IL10RB: variants seen among roughly 807,000 people sequenced by gnomAD.
The protein encoded by IL10RB is interleukin-10 receptor subunit beta.
A neutral mutation model predicts 38.7 loss-of-function variants in IL10RB; 30 were observed. The observed-to-expected ratio is 0.78, with a 90% confidence interval of 0.58 to 1.05. The LOEUF is 1.05. IL10RB is among the 50% of genes least tolerant of loss of function. The probability of loss-of-function intolerance (pLI) is 0.00; values close to 1 mark genes in which losing one functional copy is unlikely to be tolerated. For missense variants in IL10RB, 328 were observed against 397.1 expected (o/e 0.83, Z 1.48); for synonymous variants, 142 against 145.9 (o/e 0.97, Z 0.19).
chr21:33,283,957 A>G (rs1456439367), intron 5 of IL10RB, among the ~76,000 whole-genome samples: 6 of 152,180 alleles, frequency 3.9e-5, no homozygotes, highest in Admixed American at 6.5e-5. Flanking sequence ...AGCTCAGACA[A>G]TGGAAGGATG....
At chr21:33,268,554 A>G (rs1601826558) in intron 2 of IL10RB, 37 bp downstream of exon 2, 1 of 1,462,636 alleles carries the variant, frequency 6.8e-7, no homozygotes. Context: ...AACGCACCGG[A>G]GGAGCCAGCC....
intron 2 of IL10RB, among the ~76,000 whole-genome samples, chr21:33,272,762 CA>C (rs2123567938): frequency 6.6e-6 from 1 of 152,292 alleles, no homozygotes; most frequent in Non-Finnish European, 1.5e-5. Context: ...TCACTTTTTG[CA>C]GGATGAGAGC....
chr21:33,271,849 TG>T (rs1185034735), intron 2 of IL10RB, among the ~76,000 whole-genome samples: 1 of 152,126 alleles, frequency 6.6e-6, no homozygotes, highest in African/African-American at 2.4e-5. Flanking sequence ...CCCAGTACTT[TG>T]GGGGGCCAAG....
chr21:33,268,119 C>T lies in IL10RB; in HGVS notation c.50-275C>T, dbSNP rs149012848. The T allele has an allele frequency of 6.6e-4, 545 of 824,850 alleles. 4 individuals are homozygous for T. In the African/African-American group the frequency reaches 8.4e-3, roughly 13 times the overall value. The allele number at this position is 824,850 out of a possible 1,614,324, so 51.1% of individuals were successfully genotyped here. On this transcript the variant is annotated intron_variant, in intron 1 of 6. Transcript: ENST00000290200. ...TGGAAATATATCTGAAATCCATGTG[C>T]CCACCCTACCCCCTCATAGCTTTCT... is the stretch of plus-strand genomic sequence containing the variant.
At chr21:33,307,906 T>C (rs2083002699) in intron 1 of IL10RB, among the ~76,000 whole-genome samples, 2 of 152,234 alleles carry the variant, frequency 1.3e-5, no homozygotes. Flanking sequence ...TATATTTCAT[T>C]CACTCCTGGA....
At chr21:33,281,118 T>C (rs1184220092) in intron 4 of IL10RB, among the ~76,000 whole-genome samples, 1 of 152,210 alleles carries the variant, frequency 6.6e-6, no homozygotes, top group Non-Finnish European at 1.5e-5. Flanking sequence ...CCCTTGCTGC[T>C]CTTTTCTAAG....
At chr21:33,290,559 C>T (rs1568910645) in intron 6 of IL10RB, among the ~76,000 whole-genome samples, 1 of 152,136 alleles carries the variant, frequency 6.6e-6, no homozygotes, top group Non-Finnish European at 1.5e-5. Context: ...TGAACAGGGC[C>T]ACTCCTGCCC....
intron 6 of IL10RB, among the ~76,000 whole-genome samples, chr21:33,295,024 T>C (rs2082957934): frequency 6.6e-6 from 1 of 152,202 alleles, no homozygotes; most frequent in African/African-American, 2.4e-5. Flanking sequence ...TAGAGCATAT[T>C]GCAAGCCATG....
intron 2 of IL10RB, among the ~76,000 whole-genome samples, chr21:33,272,689 C>G (rs1191276873): frequency 1.3e-5 from 2 of 152,222 alleles, no homozygotes; most frequent in African/African-American, 4.8e-5. Context: ...TCAAGTGATC[C>G]TCTGCCTCGG....
chr21:33,271,862 T>C (rs1444348663), intron 2 of IL10RB, among the ~76,000 whole-genome samples: 1 of 151,652 alleles, frequency 6.6e-6, no homozygotes, highest in Non-Finnish European at 1.5e-5. Context: ...GGGGCCAAGG[T>C]AGGATAATCA....
chr21:33,303,874 G>C (rs533702471), intron 1 of IL10RB, among the ~76,000 whole-genome samples: 3 of 152,210 alleles, frequency 2.0e-5, no homozygotes, highest in African/African-American at 7.2e-5. Flanking sequence ...TCCCACTAAG[G>C]GGGTGAGGGG....
At chr21:33,294,246 T>C (rs1052939531) in intron 6 of IL10RB, 3 of 330,374 alleles carry the variant, frequency 9.1e-6, no homozygotes, top group South Asian at 7.1e-5. Flanking sequence ...AATGATAGAA[T>C]CCATTAACCA....
chr21:33,273,925 C>T (rs980758792), intron 2 of IL10RB, among the ~76,000 whole-genome samples: 1 of 152,176 alleles, frequency 6.6e-6, no homozygotes, highest in Non-Finnish European at 1.5e-5. Context: ...TTGCTGTTTT[C>T]ACCACATCTG....
chr21:33,270,163 T>C (rs183132598), intron 2 of IL10RB, among the ~76,000 whole-genome samples: 22 of 152,340 alleles, frequency 1.4e-4, no homozygotes, highest in Admixed American at 5.2e-4. Flanking sequence ...CTGTCAGCTG[T>C]CCCAAGGATT....
At chr21:33,290,138 A>G (rs917219464) in intron 6 of IL10RB, among the ~76,000 whole-genome samples, 28 of 151,720 alleles carry the variant, frequency 1.8e-4, no homozygotes, top group Middle Eastern at 3.4e-3. Context: ...CAAAAATACA[A>G]AAATTAACCC....
downstream of IL10RB, among the ~76,000 whole-genome samples, chr21:33,300,721 C>T (rs2082983865): frequency 6.6e-6 from 1 of 152,174 alleles, no homozygotes; most frequent in Admixed American, 6.5e-5. Flanking sequence ...AGCTGCCCAT[C>T]TCTTCCACCA....
At chr21:33,294,709 G>A (rs1206092043) in intron 6 of IL10RB, among the ~76,000 whole-genome samples, 2 of 152,214 alleles carry the variant, frequency 1.3e-5, no homozygotes, top group African/African-American at 4.8e-5. Context: ...AGAAGGCTGA[G>A]TGTAGAAATG....
At chr21:33,272,546 A>C (rs371494014) in intron 2 of IL10RB, among the ~76,000 whole-genome samples, 5 of 152,356 alleles carry the variant, frequency 3.3e-5, no homozygotes, top group African/African-American at 1.2e-4. Context: ...TCCCAGGCTC[A>C]AGCGAGCTTC....
intron 4 of IL10RB, among the ~76,000 whole-genome samples, chr21:33,281,976 C>A (rs1192282392): frequency 1.3e-5 from 2 of 152,140 alleles, no homozygotes; most frequent in African/African-American, 4.8e-5. Context: ...CACCACCTTA[C>A]CTGCTTGCCT....
Sources: allele counts gnomAD v4.1 joint callset (sites outside exome capture counted in the v4.1 genomes callset), GRCh38; gene constraint gnomAD v4.1.1; transcripts MANE v1.5; gene names NCBI Gene and HGNC (gene_info 2026-07-23, HGNC 2026-07-21).